The following KCNN2 variants were observed in gnomAD, a reference collection of about 807,000 sequenced individuals.
KCNN2 encodes the protein small conductance calcium-activated potassium channel protein 2.
KCNN2 carries 24 observed loss-of-function variants against 55.5 expected under a neutral mutation model. The observed-to-expected ratio is 0.43, with a 90% CI of 0.31 to 0.61. The LOEUF (loss-of-function observed/expected upper bound fraction) is 0.61. Among genes scored for constraint, KCNN2 ranks in the 20% least tolerant of loss-of-function variants. The pLI is 0.08. For missense variants in KCNN2, 754 were observed against 853.6 expected (o/e 0.88, Z 1.45); for synonymous variants, 431 against 336.1 (o/e 1.28, Z -3.09).
chr5:114,357,225 A>G (rs1757311233), upstream of KCNN2, among the ~76,000 whole-genome samples: 1 of 152,070 alleles, frequency 6.6e-6, no homozygotes, highest in South Asian at 2.1e-4. Flanking sequence ...TACTATAAAG[A>G]AGAGAATTAT....
chr5:114,144,185 AT>A (rs547918800), intron 1 of KCNN2, among the ~76,000 whole-genome samples: 5 of 152,312 alleles, frequency 3.3e-5, no homozygotes, highest in African/African-American at 1.2e-4. Context: ...GAACAGACTC[AT>A]TATGTTGAAA....
intron 1 of KCNN2, among the ~76,000 whole-genome samples, chr5:114,130,439 C>T (rs987067235): frequency 1.3e-5 from 2 of 152,160 alleles, no homozygotes; most frequent in East Asian, 1.9e-4. Flanking sequence ...TGGATCTTTC[C>T]GTTGGAATTA....
intron 2 of KCNN2, among the ~76,000 whole-genome samples, chr5:114,250,633 G>T (rs540418236): frequency 6.6e-6 from 1 of 152,148 alleles, no homozygotes; most frequent in African/African-American, 2.4e-5. Context: ...GAGATAGCTC[G>T]TAATTGGGTC....
At chr5:114,087,833 C>T (rs923648346) in intron 1 of KCNN2, among the ~76,000 whole-genome samples, 1 of 151,970 alleles carries the variant, frequency 6.6e-6, no homozygotes, top group African/African-American at 2.4e-5. Context: ...TTCTCACTGT[C>T]TACCTTTAAA....
chr5:114,266,975 C>T (rs979063785), intron 2 of KCNN2, among the ~76,000 whole-genome samples: 10 of 147,148 alleles, frequency 6.8e-5, no homozygotes, highest in Admixed American at 2.1e-4. Context: ...AGATGCTTCA[C>T]GAACACCCCT....
chr5:114,203,032 T>C (rs573909517), intron 1 of KCNN2, among the ~76,000 whole-genome samples: 3 of 152,296 alleles, frequency 2.0e-5, no homozygotes, highest in South Asian at 4.2e-4. Context: ...AAATTCCAAT[T>C]TTGGCTGTGA....
chr5:114,338,828 A>G (rs1018047314), intron 2 of KCNN2, among the ~76,000 whole-genome samples: 2 of 152,164 alleles, frequency 1.3e-5, no homozygotes, highest in Non-Finnish European at 2.9e-5. Flanking sequence ...AAGGCTGAAG[A>G]TGGGGTGGCT....
intron 3 of KCNN2, among the ~76,000 whole-genome samples, chr5:114,415,519 T>C (rs756516905): frequency 4.6e-5 from 7 of 152,346 alleles, no homozygotes; most frequent in Admixed American, 6.5e-5. Flanking sequence ...TGTCTTAATG[T>C]GTGTATATAA....
intron 1 of KCNN2, among the ~76,000 whole-genome samples, chr5:114,219,475 C>T (rs941014269): frequency 6.6e-6 from 1 of 152,078 alleles, no homozygotes; most frequent in African/African-American, 2.4e-5. Context: ...GTAGGTAATC[C>T]TCACCTGAAG....
intron 2 of KCNN2, among the ~76,000 whole-genome samples, chr5:114,368,098 C>T (rs1217532659): frequency 2.6e-5 from 4 of 151,922 alleles, no homozygotes; most frequent in African/African-American, 9.7e-5. Context: ...TCCATGGGTT[C>T]TGCATCAGCA....
chr5:114,222,602 T>C (rs1754163269), intron 2 of KCNN2, among the ~76,000 whole-genome samples: 1 of 152,214 alleles, frequency 6.6e-6, no homozygotes, highest in Admixed American at 6.5e-5. Context: ...TATTATCGGA[T>C]GGGAATGTCA....
intron 1 of KCNN2, among the ~76,000 whole-genome samples, chr5:114,093,279 A>G (rs779811423): frequency 6.6e-6 from 1 of 152,140 alleles, no homozygotes; most frequent in African/African-American, 2.4e-5. Flanking sequence ...CCTCACCTCC[A>G]TCTGAGACCA....
intron 1 of KCNN2, among the ~76,000 whole-genome samples, chr5:114,102,981 A>G (rs1170647734): frequency 6.6e-6 from 1 of 151,832 alleles, no homozygotes; most frequent in Non-Finnish European, 1.5e-5. Flanking sequence ...AAGAAAGTCA[A>G]TGGTAGCTTG....
chr5:114,243,160 T>C (rs776155138), intron 2 of KCNN2, among the ~76,000 whole-genome samples: 3 of 152,162 alleles, frequency 2.0e-5, no homozygotes, highest in Non-Finnish European at 4.4e-5. Flanking sequence ...GTTATTTAGA[T>C]TGTGGCTTAG....
chr5:114,488,957 G>A (rs1231096584), intron 6 of KCNN2: 11 of 152,180 alleles, frequency 7.2e-5, no homozygotes, highest in Admixed American at 6.6e-4. Context: ...GAGCAAGTGT[G>A]GTCGGTCTGT....
chr5:114,256,086 T>C (rs1459903764), intron 2 of KCNN2, among the ~76,000 whole-genome samples: 1 of 152,126 alleles, frequency 6.6e-6, no homozygotes, highest in Non-Finnish European at 1.5e-5. Flanking sequence ...CAGTTACAAG[T>C]GGAATGTGCA....
chr5:114,338,784 C>T (rs142112060), intron 2 of KCNN2, among the ~76,000 whole-genome samples: 127 of 152,272 alleles, frequency 8.3e-4, no homozygotes, highest in African/African-American at 3.0e-3. Flanking sequence ...TGCCCTGCAG[C>T]CTGAACTCAG....
intron 1 of KCNN2, among the ~76,000 whole-genome samples, chr5:114,087,370 G>A (rs898104601): frequency 6.6e-6 from 1 of 152,104 alleles, no homozygotes; most frequent in Non-Finnish European, 1.5e-5. Context: ...GTTCAGAATG[G>A]TGTTTACTAG....
intron 2 of KCNN2, among the ~76,000 whole-genome samples, chr5:114,289,464 C>A (rs772692924): frequency 5.3e-5 from 8 of 151,576 alleles, no homozygotes; most frequent in Admixed American, 4.6e-4. Context: ...GTTACCTCCA[C>A]CTCGCAGATT....
Sources: gnomAD v4.1 joint callset for allele counts (sites outside exome capture counted in the v4.1 genomes callset) on GRCh38, gnomAD v4.1.1 for gene constraint, MANE v1.5 for transcripts, NCBI Gene and HGNC (gene_info 2026-07-23, HGNC 2026-07-21) for gene names.